Variants in TENM3 observed in about 807,000 individuals in gnomAD.
TENM3 encodes the protein teneurin-3.
Under a neutral mutation model 255.1 loss-of-function variants are expected in TENM3, and 63 were observed. That is an observed-to-expected ratio of 0.25 (90% CI 0.20 to 0.30). The LOEUF (loss-of-function observed/expected upper bound fraction) is 0.30. Ranked by LOEUF, TENM3 falls within the 10% of genes least tolerant of loss-of-function variation. The pLI, the probability that TENM3 is intolerant of heterozygous loss-of-function variation, is 1.00. For synonymous variants in TENM3, 1,306 were observed against 1,322.3 expected (o/e 0.99, Z 0.27); for missense variants, 2,929 against 3,461.1 (o/e 0.85, Z 3.86).
the TENM3 span, among the ~76,000 whole-genome samples, chr4:181,664,294 A>G: frequency 6.6e-6 from 1 of 151,720 alleles, no homozygotes; most frequent in African/African-American, 2.4e-5. Flanking sequence ...ACATGGTGAA[A>G]CCCCGTCTCC....
At chr4:182,069,943 TCAAAC>T in the TENM3 span, among the ~76,000 whole-genome samples, 2 of 152,182 alleles carry the variant, frequency 1.3e-5, no homozygotes, top group Non-Finnish European at 2.9e-5. Flanking sequence ...ATCATTGACA[TCAAAC>T]TGGGATGTCA....
chr4:182,297,016 C>T (rs528362019), intron 1 of TENM3, among the ~76,000 whole-genome samples: 6 of 152,338 alleles, frequency 3.9e-5, no homozygotes, highest in Non-Finnish European at 7.3e-5. Context: ...TCGCATCTTA[C>T]ACCATATTTT....
intron 6 of TENM3, among the ~76,000 whole-genome samples, chr4:182,669,007 G>A (rs553863442): frequency 8.5e-5 from 13 of 152,162 alleles, no homozygotes; most frequent in African/African-American, 1.4e-4. Flanking sequence ...CATATGCTTC[G>A]GATAGTAGAT....
At chr4:182,711,468 T>C (rs1441239192) in intron 12 of TENM3, 6 of 236,908 alleles carry the variant, frequency 2.5e-5, no homozygotes, top group Non-Finnish European at 4.1e-5. Context: ...GTGAGTCTTA[T>C]GTCAGCTGAA....
In TENM3 at chr4:182,571,295, G is replaced by GAT. The variant is rs200478056; in HGVS notation, c.512-29629_512-29628insAT. On this transcript the variant is annotated intron_variant, in intron 3 of 27. Transcript: ENST00000511685. ...AATCCCAGCACTTTGGGAGGCCAAG[G>GAT]CAGACAGATCACTTGAGCCCAGGAG... is the stretch of plus-strand genomic sequence containing the variant. 9.1e-4 allele frequency among the ~76,000 whole-genome samples: 138 copies of GAT among 152,296 alleles called. 1 individual carries two copies. In the East Asian group the frequency reaches 0.022, roughly 25 times the overall value.
chr4:182,548,306 C>T (rs527239772), intron 3 of TENM3, among the ~76,000 whole-genome samples: 1 of 152,190 alleles, frequency 6.6e-6, no homozygotes, highest in Admixed American at 6.5e-5. Flanking sequence ...TTTTGCAATC[C>T]AAACCCAGCT....
the TENM3 span, among the ~76,000 whole-genome samples, chr4:181,868,330 C>T: frequency 4.6e-4 from 70 of 152,080 alleles, no homozygotes; most frequent in African/African-American, 1.6e-3. Context: ...TTTATTTCCC[C>T]GCTTTTAAAT....
At chr4:182,160,569 C>G (rs1751070378) in intron 1 of TENM3, among the ~76,000 whole-genome samples, 1 of 152,162 alleles carries the variant, frequency 6.6e-6, no homozygotes, top group Admixed American at 6.5e-5. Context: ...TTGTTTGTTT[C>G]TTTTAAAAAT....
At chr4:182,048,814 T>A in the TENM3 span, among the ~76,000 whole-genome samples, 1 of 152,176 alleles carries the variant, frequency 6.6e-6, no homozygotes. Flanking sequence ...GCCTGCCTGT[T>A]GCAACACACT....
intron 4 of TENM3, among the ~76,000 whole-genome samples, chr4:182,623,517 G>A (rs1750500155): frequency 1.3e-5 from 2 of 151,266 alleles, no homozygotes; most frequent in Non-Finnish European, 2.9e-5. Context: ...GTTTTTACTG[G>A]AGACAGGGTT....
At chr4:181,897,159 A>G in the TENM3 span, among the ~76,000 whole-genome samples, 2 of 152,148 alleles carry the variant, frequency 1.3e-5, no homozygotes, top group African/African-American at 4.8e-5. Context: ...ATTTTTCACT[A>G]GTTCTGCCCC....
At chr4:181,910,318 G>A in the TENM3 span, among the ~76,000 whole-genome samples, 312 of 151,932 alleles carry the variant, frequency 2.1e-3, no homozygotes, top group African/African-American at 7.1e-3. Context: ...TGTAATCCCA[G>A]CACTTTGAGA....
the TENM3 span, among the ~76,000 whole-genome samples, chr4:181,775,034 T>C: frequency 6.6e-6 from 1 of 152,178 alleles, no homozygotes; most frequent in Non-Finnish European, 1.5e-5. Context: ...GCATCTACTG[T>C]GTGCTAAAAA....
chr4:181,754,456 AT>A, the TENM3 span, among the ~76,000 whole-genome samples: 1 of 152,268 alleles, frequency 6.6e-6, no homozygotes, highest in East Asian at 1.9e-4. Context: ...AAAGAGACAT[AT>A]TTGGGTGGAG....
chr4:181,716,837 T>C, the TENM3 span, among the ~76,000 whole-genome samples: 1 of 152,188 alleles, frequency 6.6e-6, no homozygotes, highest in East Asian at 1.9e-4. Context: ...ATTTCATCAG[T>C]TGATATCATA....
At chr4:181,641,743 A>T in the TENM3 span, among the ~76,000 whole-genome samples, 3 of 122,464 alleles carry the variant, frequency 2.4e-5, no homozygotes, top group African/African-American at 9.3e-5. Context: ...ATATATATAT[A>T]AAATACCATG....
chr4:181,939,195 G>A, the TENM3 span, among the ~76,000 whole-genome samples: 1 of 152,146 alleles, frequency 6.6e-6, no homozygotes, highest in East Asian at 1.9e-4. Context: ...TATTATTATT[G>A]TTCTATACAC....
intron 3 of TENM3, among the ~76,000 whole-genome samples, chr4:182,377,379 T>A (rs908598205): frequency 7.9e-5 from 12 of 152,180 alleles, no homozygotes; most frequent in Admixed American, 4.6e-4. Context: ...AGTAGCTCAA[T>A]CTCGGCTCAC....
At position 182,780,549 on chromosome 4, in the gene TENM3, G is replaced by A. The variant is rs558687862; in HGVS notation, c.5304+5396G>A. On this transcript the variant is annotated intron_variant, in intron 24 of 27. Transcript: ENST00000511685. ...GACTTGGCGATGCGGGCTCTTTTTTGGTTCCATATGAACTTTAAAGTAGTT... is the reference window on the plus strand; with the variant it reads ...GACTTGGCGATGCGGGCTCTTTTTTAGTTCCATATGAACTTTAAAGTAGTT... 1.4e-4 allele frequency among the ~76,000 whole-genome samples: 17 copies of A among 120,986 alleles called. No homozygotes were observed. The East Asian group carries it at 3.8e-3, about 27-fold the overall frequency. 79.4% of individuals were successfully genotyped at this position (120,986 alleles called of 152,430 possible).
Sources: allele counts gnomAD v4.1 joint callset (sites outside exome capture counted in the v4.1 genomes callset), GRCh38; gene constraint gnomAD v4.1.1; transcripts MANE v1.5; gene names NCBI Gene and HGNC (gene_info 2026-07-23, HGNC 2026-07-21).